Variants in LIN7A observed in about 807,000 individuals in gnomAD.
The protein encoded by LIN7A is lin-7 cell polarity scaffold A.
In LIN7A, 25 loss-of-function variants were observed where a neutral mutation model predicts 29.8. That is an observed-to-expected ratio of 0.84 (90% CI 0.61 to 1.17). The LOEUF (loss-of-function observed/expected upper bound fraction) is 1.17, where lower values mean the gene tolerates loss of function less well. LIN7A is among the 50% of genes most tolerant of loss of function. LIN7A has a pLI of 0.00. For missense variants in LIN7A, 239 were observed against 287.0 expected, an observed-to-expected ratio of 0.83 and a Z score of 1.21; for synonymous variants, 118 against 107.5, an observed-to-expected ratio of 1.10 and a Z score of -0.60.
intron 1 of LIN7A, among the ~76,000 whole-genome samples, chr12:80,932,247 T>C (rs1877954897): frequency 6.6e-6 from 1 of 152,266 alleles, no homozygotes; most frequent in African/African-American, 2.4e-5. Flanking sequence ...GATAGTTATT[T>C]GCATTCAATT....
chr12:80,854,420 T>A (rs991130875), intron 2 of LIN7A, among the ~76,000 whole-genome samples: 1 of 143,114 alleles, frequency 7.0e-6, no homozygotes, highest in African/African-American at 2.7e-5. Context: ...ACAAAATTTA[T>A]TTAGAAAGGA....
intron 4 of LIN7A, among the ~76,000 whole-genome samples, chr12:80,816,604 A>C (rs1321365742): frequency 6.6e-6 from 1 of 152,190 alleles, no homozygotes; most frequent in African/African-American, 2.4e-5. Flanking sequence ...ACAAAGAAAT[A>C]TATTTTCATT....
rs147922565 is a variant in LIN7A at position 80,904,159 on chromosome 12, T to C, written c.83-14790A>G. On this transcript the variant is annotated intron_variant, in intron 1 of 5. Transcript: ENST00000552864. ...TTTTAGCTTAAATAAGAGCATATAG[T>C]TGTAAAATTTATTTATTTTTAATCA... Among the ~76,000 whole-genome samples the C allele has an allele frequency of 2.0e-3, 300 of 152,220 alleles. 2 individuals are homozygous for C. The highest frequency in any genetic ancestry group is 2.9e-3 in the Non-Finnish European group (194 of 67,976).
rs571025989 is a variant in LIN7A, at chr12:80,880,876, A to G, written c.201+8375T>C. ...ATAGTTTTCACTCAGTTGCATGCCA[A>G]ATGGGAATGCCACAGCTGTTATTTT... On this transcript the variant is annotated intron_variant, in intron 2 of 5. Coordinates refer to ENST00000552864, the MANE Select transcript of LIN7A (RefSeq NM_004664.4). 9.9e-5 allele frequency among the ~76,000 whole-genome samples: 15 copies of G among 152,234 alleles called. No homozygotes were observed. In the South Asian group the frequency reaches 2.5e-3, roughly 25 times the overall value.
chr12:80,828,250 A>T (rs1872178954), intron 4 of LIN7A, among the ~76,000 whole-genome samples: 1 of 152,170 alleles, frequency 6.6e-6, no homozygotes, highest in Admixed American at 6.6e-5. Flanking sequence ...AAAAATAGTT[A>T]CTCATATACA....
intron 4 of LIN7A, among the ~76,000 whole-genome samples, chr12:80,826,743 G>C (rs1433712334): frequency 3.9e-5 from 6 of 152,044 alleles, no homozygotes; most frequent in African/African-American, 7.2e-5. Flanking sequence ...GGTTGGTCTC[G>C]AGCTCCTGAC....
At chr12:80,878,243 G>A (rs1874820420) in intron 2 of LIN7A, among the ~76,000 whole-genome samples, 1 of 152,120 alleles carries the variant, frequency 6.6e-6, no homozygotes, top group Admixed American at 6.5e-5. Context: ...GCCAGAAAGT[G>A]ACAAGTTGAT....
chr12:80,827,178 G>A (rs1872119937), intron 4 of LIN7A, among the ~76,000 whole-genome samples: 1 of 152,132 alleles, frequency 6.6e-6, no homozygotes, highest in Non-Finnish European at 1.5e-5. Flanking sequence ...ACGAGGTCAG[G>A]AGATTGAGAC....
chr12:80,826,843 G>A (rs1221380557), intron 4 of LIN7A, among the ~76,000 whole-genome samples: 3 of 152,054 alleles, frequency 2.0e-5, no homozygotes, highest in Admixed American at 6.6e-5. Context: ...GTTTTTGCAT[G>A]CCCTTGCTTA....
At chr12:80,873,556 A>T (rs1238106784) in intron 2 of LIN7A, among the ~76,000 whole-genome samples, 1 of 148,306 alleles carries the variant, frequency 6.7e-6, no homozygotes, top group African/African-American at 2.5e-5. Flanking sequence ...AAAAAAAAAA[A>T]GTAAAAATAA....
At chr12:80,906,751 T>C (rs76447260) in intron 1 of LIN7A, among the ~76,000 whole-genome samples, 8,596 of 152,026 alleles carry the variant, frequency 0.057, 407 homozygotes, top group South Asian at 0.24. Context: ...AAGTTATCTG[T>C]AAACGAAACC....
At position 80,924,765 on chromosome 12, in the gene LIN7A, C is replaced by T. The variant is rs192620193; in HGVS notation, c.82+12876G>A. Among the ~76,000 whole-genome samples the T allele has an allele frequency of 2.5e-3, 385 of 152,268 alleles. 5 individuals are homozygous for T. Among genetic ancestry groups the T allele is most frequent in the African/African-American group, 8.9e-3 (371 of 41,550 alleles). On this transcript the variant is annotated intron_variant, in intron 1 of 5. Transcript: ENST00000552864. ...TTACCCCAGTCAGTTACTTAGTACA[C>T]ATTTGATATCTGTATATGATTAGCT...
At chr12:80,926,128 C>T (rs888758066) in intron 1 of LIN7A, among the ~76,000 whole-genome samples, 2 of 152,148 alleles carry the variant, frequency 1.3e-5, no homozygotes, top group African/African-American at 4.8e-5. Flanking sequence ...CCACTGTTAA[C>T]TTTTCTTCTC....
chr12:80,910,537 T>C (rs530595626), intron 1 of LIN7A, among the ~76,000 whole-genome samples: 1 of 152,310 alleles, frequency 6.6e-6, no homozygotes, highest in Non-Finnish European at 1.5e-5. Context: ...AAACCCTTTA[T>C]TGAGAGAGCT....
At chr12:80,890,091 C>T (rs535601266) in intron 1 of LIN7A, among the ~76,000 whole-genome samples, 12 of 152,192 alleles carry the variant, frequency 7.9e-5, no homozygotes, top group African/African-American at 2.6e-4. Flanking sequence ...TTTTCAATAA[C>T]AATTATTTTA....
intron 4 of LIN7A, among the ~76,000 whole-genome samples, chr12:80,816,545 TA>T (rs1268698628): frequency 1.3e-5 from 2 of 152,098 alleles, no homozygotes; most frequent in Non-Finnish European, 2.9e-5. Flanking sequence ...AATAAAATAC[TA>T]AACTGATATA....
At chr12:80,862,217 T>A (rs1020093372) in intron 2 of LIN7A, among the ~76,000 whole-genome samples, 15 of 152,158 alleles carry the variant, frequency 9.9e-5, no homozygotes, top group African/African-American at 3.4e-4. Context: ...CAAAAAGAGT[T>A]TCATCATATT....
intron 1 of LIN7A, among the ~76,000 whole-genome samples, chr12:80,907,841 A>G (rs1366689576): frequency 6.6e-6 from 1 of 152,156 alleles, no homozygotes; most frequent in Admixed American, 6.5e-5. Context: ...AGAAGGTAAA[A>G]GAAAAAGAAT....
intron 3 of LIN7A, 73 bp from the exon 4 acceptor site, chr12:80,846,012 G>A: frequency 1.5e-6 from 2 of 1,332,608 alleles, no homozygotes; most frequent in Non-Finnish European, 2.0e-6. Context: ...ATGCTTTGCA[G>A]TGGGTAGCTC....
Sources: gnomAD v4.1 joint callset for allele counts (sites outside exome capture counted in the v4.1 genomes callset) on GRCh38, gnomAD v4.1.1 for gene constraint, MANE v1.5 for transcripts, NCBI Gene and HGNC (gene_info 2026-07-23, HGNC 2026-07-21) for gene names.